Variants in ZNF135 observed in about 807,000 individuals in gnomAD.
ZNF135 encodes zinc finger protein 135 (clone pHZ-17).
In ZNF135, 11 loss-of-function variants were observed where a neutral mutation model predicts 12.3. The ratio of observed to expected loss-of-function variants is 0.89; its 90% CI spans 0.56 to 1.48. ZNF135 has a LOEUF of 1.48. Ranked by LOEUF, ZNF135 falls within the 40% of genes most tolerant of loss-of-function variation. The probability of loss-of-function intolerance (pLI) is 0.00; values close to 1 mark genes in which losing one functional copy is unlikely to be tolerated. For missense variants in ZNF135, 722 were observed against 815.7 expected, an observed-to-expected ratio of 0.89 and a Z score of 1.40; for synonymous variants, 316 against 312.0, an observed-to-expected ratio of 1.01 and a Z score of -0.14.
Position 58,063,720 on chromosome 19 carries a change from A to T in ZNF135, c.256+179A>T. 7.2e-7 allele frequency: 1 copy of T among 1,389,134 alleles called. No individual in the cohort carries two copies. Among genetic ancestry groups the T allele is most frequent in the Non-Finnish European group, 9.4e-7 (1 of 1,069,308 alleles). 86.1% of individuals were successfully genotyped at this position (1,389,134 alleles called of 1,614,324 possible). ...CCACGTCCTCATCTCCACTGAATTT[A>T]TATTCTTGGTGAGGGAGTGGGGGAA... On this transcript the variant is annotated intron_variant, in intron 4 of 4. Transcript: ENST00000313434. This position sits in a 1 kb window ranked among gnomAD's most constrained non-coding sequence, Gnocchi z 4.4.
Position 58,068,450 on chromosome 19 carries a change from C to G in ZNF135, c.1966C>G (p.His656Asp). Reference sequence around the variant, plus strand: ...CTCCCTTACCAAGCACCAGAGAACTCACACTGGATAAACCCACTCCACATG... The same window carrying G: ...CTCCCTTACCAAGCACCAGAGAACTGACACTGGATAAACCCACTCCACATG... Reference protein sequence around the residue: ...SSSLTKHQRTHTG With the variant: ...SSSLTKHQRTDTG Residue 656 changes from histidine (H) to aspartate (D), a missense_variant, in exon 5 of 5, where the codon CAC (histidine) becomes GAC (aspartate). Physicochemically the swap from His to Asp is moderately conservative, Grantham distance 81. Transcript: ENST00000313434. 6.2e-7 allele frequency: 1 copy of G among 1,613,808 alleles called. No individual in the cohort carries two copies. Among genetic ancestry groups the G allele is most frequent in the Non-Finnish European group, 8.5e-7 (1 of 1,179,836 alleles).
At chr19:58,061,022 A>G (rs376563246) in intron 2 of ZNF135, among the ~76,000 whole-genome samples, 13 of 151,708 alleles carry the variant, frequency 8.6e-5, no homozygotes, top group Admixed American at 2.6e-4. Flanking sequence ...CAGCTACTCG[A>G]GAGGCTGAGG....
rs2123460499 is a variant in ZNF135 at position 58,059,358 on chromosome 19, G to GCCGGA, written c.-35+52_-35+53insACCGG. The GCCGGA allele has an allele frequency of 8.7e-7, 1 of 1,154,862 alleles. No homozygotes were observed. The highest frequency in any genetic ancestry group is 1.7e-5 in the South Asian group (1 of 58,786). The allele number at this position is 1,154,862 out of a possible 1,614,324, so 71.5% of individuals were successfully genotyped here. Reference sequence around the variant, plus strand: ...GGGAGGGGAGGCCAGGCCGGGCCGGGCCGGGCCGGGTGCGGGGGGTCCGGG... The same window carrying GCCGGA: ...GGGAGGGGAGGCCAGGCCGGGCCGGGCCGGACCGGGCCGGGTGCGGGGGGTCCGGG... On this transcript the variant is annotated intron_variant, in intron 1 of 4. Transcript: ENST00000313434. This position sits in a 1 kb window ranked among gnomAD's most constrained non-coding sequence, Gnocchi z 6.5.
intron 3 of ZNF135, 68 bp downstream of exon 3, chr19:58,061,774 ATATT>A: frequency 6.5e-7 from 1 of 1,535,610 alleles, no homozygotes; most frequent in South Asian, 1.3e-5. Flanking sequence ...ACCAGGTTAA[ATATT>A]TATAGGACTG....
At position 58,068,853 on chromosome 19, in the gene ZNF135, A is replaced by C; in HGVS notation, c.*392A>C. On this transcript the variant is annotated 3_prime_UTR_variant, in exon 5 of 5. Transcript: ENST00000313434. The stretch of plus-strand genomic sequence containing the variant: ...TTCAAATTGGTGAGAAACCCAACAA[A>C]TGCCTTTCATATATACGAGAACCAA... 1 of 182,750 alleles carries C rather than the reference A, an allele frequency of 5.5e-6. No homozygotes were observed. Among genetic ancestry groups the C allele is most frequent in the Admixed American group, 5.3e-5 (1 of 18,902 alleles). 11.3% of individuals were successfully genotyped at this position (182,750 alleles called of 1,614,324 possible).
At position 58,061,659 on chromosome 19, in the gene ZNF135, T is replaced by G. The variant is rs1251043791; in HGVS notation, c.113T>G (p.Leu38Arg). The stretch of plus-strand genomic sequence containing the variant: ...CAGCTGAAGCCTGCCCAGAGGACCC[T>G]GTACCGTGATGTAATGCTGGACACC... ...WGQLKPAQRT[L>R]YRDVMLDTFR... The change falls in exon 3 of 5, where the codon CTG becomes CGG. Residue 38 changes from leucine (L) to arginine (R), a missense_variant. Transcript: ENST00000313434. The G allele has an allele frequency of 1.2e-6, 2 of 1,613,416 alleles. No homozygotes were observed. Among genetic ancestry groups the G allele is most frequent in the African/African-American group, 2.7e-5 (2 of 74,888 alleles).
At position 58,060,554 on chromosome 19, in the gene ZNF135, C is replaced by A. The variant is rs1328539074; in HGVS notation, c.33+519C>A. 6.6e-6 allele frequency among the ~76,000 whole-genome samples: 1 copy of A among 152,214 alleles called. No homozygotes were observed. Among genetic ancestry groups the A allele is most frequent in the African/African-American group, 2.4e-5 (1 of 41,440 alleles). On this transcript the variant is annotated intron_variant, in intron 2 of 4. Transcript: ENST00000313434. The surrounding 1 kb of genome is among the most constrained non-coding windows in gnomAD (Gnocchi z 4.9). ...TGCTCTGCGCTCCAAGATGGCGCAT[C>A]GAGTGCCGCTTCCTCAGACGTCATG...
At chr19:58,064,990 G>T (rs11673436) in intron 4 of ZNF135, among the ~76,000 whole-genome samples, 57,594 of 152,066 alleles carry the variant, frequency 0.38, 11,050 homozygotes, top group Admixed American at 0.44. Context: ...ACAGATTTTC[G>T]ATTGTACTGG....
Position 58,060,109 on chromosome 19 carries a change from C to G in ZNF135, c.33+74C>G. 1 of 1,604,662 alleles carries G rather than the reference C, an allele frequency of 6.2e-7. No individual in the cohort carries two copies. ...TCCTCGCGCGCGGCCTTCTCACGCCCGGCCTCCTCTTTGCACCCCGTCCCT... is the reference window on the plus strand; with the variant it reads ...TCCTCGCGCGCGGCCTTCTCACGCCGGGCCTCCTCTTTGCACCCCGTCCCT... On this transcript the variant is annotated intron_variant, in intron 2 of 4. Transcript: ENST00000313434. This position sits in a 1 kb window ranked among gnomAD's most constrained non-coding sequence, Gnocchi z 4.9.
At chr19:58,064,012 T>C (rs775089496) in intron 4 of ZNF135, among the ~76,000 whole-genome samples, 3 of 152,190 alleles carry the variant, frequency 2.0e-5, no homozygotes, top group Non-Finnish European at 4.4e-5. Context: ...TCAGCTTTTG[T>C]GTAGGAAAAC....
In ZNF135 at chr19:58,060,198, CGGCCTCTACTCGCACAACT is replaced by C. The variant is rs1222722361; in HGVS notation, c.33+177_33+195del. 640 of 1,487,528 alleles carry C rather than the reference CGGCCTCTACTCGCACAACT, an allele frequency of 4.3e-4. No homozygotes were observed. Among genetic ancestry groups the C allele is most frequent in the Admixed American group, 5.8e-4 (28 of 48,180 alleles). The allele number at this position is 1,487,528 out of a possible 1,614,324, so 92.1% of individuals were successfully genotyped here. On this transcript the variant is annotated intron_variant, in intron 2 of 4. Transcript: ENST00000313434. The surrounding 1 kb of genome is among the most constrained non-coding windows in gnomAD (Gnocchi z 4.9). Reference sequence around the variant, plus strand: ...TGCGTGCCCGGCCCCTACTCGTGCCCGGCCTCTACTCGCACAACTGGCCTCTACTCGCGCACCTGGCCTC... The same window carrying C: ...TGCGTGCCCGGCCCCTACTCGTGCCCGGCCTCTACTCGCGCACCTGGCCTC...
chr19:58,059,944 G>T lies in ZNF135; in HGVS notation c.-34-25G>T. 1.2e-6 allele frequency: 2 copies of T among 1,611,004 alleles called. No homozygotes were observed. Among genetic ancestry groups the T allele is most frequent in the Non-Finnish European group, 8.5e-7 (1 of 1,179,168 alleles). ...CTGAGCACCGCCTCTGCCTGCCCCAGCTGCTCACCTCCCCTTTCCCACAGA... is the reference window on the plus strand; with the variant it reads ...CTGAGCACCGCCTCTGCCTGCCCCATCTGCTCACCTCCCCTTTCCCACAGA... On this transcript the variant is annotated intron_variant, in intron 1 of 4. Coordinates refer to ENST00000313434, the MANE Select transcript of ZNF135 (RefSeq NM_001289401.2). The surrounding 1 kb of genome is among the most constrained non-coding windows in gnomAD (Gnocchi z 6.5).
At chr19:58,061,249 C>G (rs369889699) in intron 2 of ZNF135, among the ~76,000 whole-genome samples, 2 of 152,128 alleles carry the variant, frequency 1.3e-5, no homozygotes, top group Non-Finnish European at 2.9e-5. Context: ...TTCAAACTTA[C>G]GTGCTCAAGT....
In ZNF135 at chr19:58,067,010, C is replaced by T. The variant is rs557308498; in HGVS notation, c.526C>T (p.Pro176Ser). Residue 176 changes from proline (P) to serine (S), a missense_variant, in exon 5 of 5, where the codon CCA becomes TCA. Physicochemically the swap from Pro to Ser is moderately conservative, Grantham distance 74. Coordinates refer to ENST00000313434, the MANE Select transcript of ZNF135 (RefSeq NM_001289401.2). ...GENISLNPDL[P>S]HQPMTPERQS... ...AAACATAAGTCTGAACCCTGATCTC[C>T]CACATCAACCAATGACTCCTGAAAG... 9 of 1,614,156 alleles carry T rather than the reference C, an allele frequency of 5.6e-6. No individual in the cohort carries two copies. The highest frequency in any genetic ancestry group is 7.6e-6 in the Non-Finnish European group (9 of 1,180,028).
intron 3 of ZNF135, among the ~76,000 whole-genome samples, chr19:58,062,357 TTTA>T (rs2073995730): frequency 1.3e-5 from 1 of 79,534 alleles, no homozygotes; most frequent in Non-Finnish European, 2.8e-5. Flanking sequence ...TTGAACCTTA[TTTA>T]TTTATTTATT....
intron 4 of ZNF135, among the ~76,000 whole-genome samples, chr19:58,066,100 C>T (rs2074061324): frequency 6.6e-6 from 1 of 152,162 alleles, no homozygotes; most frequent in Non-Finnish European, 1.5e-5. Flanking sequence ...TCAAGGGGTT[C>T]CCAGTTAGTG....
At position 58,067,099 on chromosome 19, in the gene ZNF135, G is replaced by A. The variant is rs1259582986; in HGVS notation, c.615G>A (p.Gln205=). The A allele has an allele frequency of 1.9e-6, 3 of 1,614,220 alleles. No individual in the cohort carries two copies. Among genetic ancestry groups the A allele is most frequent in the Non-Finnish European group, 2.5e-6 (3 of 1,180,038 alleles). Residue 205 remains glutamine (Q), a synonymous_variant, in exon 5 of 5, where the codon CAG becomes CAA. Transcript: ENST00000313434. ...KREKPDLNVL[Q]KTCVKEKPYK... ...AGAAGCCAGACCTAAATGTTTTACA[G>A]AAAACCTGTGTAAAAGAGAAACCCT...
At position 58,067,177 on chromosome 19, in the gene ZNF135, A is replaced by C; in HGVS notation, c.693A>C (p.Glu231Asp). Residue 231 changes from glutamate (E) to aspartate (D), a missense_variant, in exon 5 of 5, where the codon GAA becomes GAC. Glu to Asp is a conservative substitution (Grantham distance 45). Coordinates refer to ENST00000313434, the MANE Select transcript of ZNF135 (RefSeq NM_001289401.2). Reference sequence around the variant, plus strand: ...TTAGTCACAGCTCAGCACTTATCGAACACCACCGGACGCACACAGGAGAGA... The same window carrying C: ...TTAGTCACAGCTCAGCACTTATCGACCACCACCGGACGCACACAGGAGAGA... ...KAFSHSSALI[E>D]HHRTHTGERP... 6.2e-7 allele frequency: 1 copy of C among 1,614,066 alleles called. No homozygotes were observed. Among genetic ancestry groups the C allele is most frequent in the Non-Finnish European group, 8.5e-7 (1 of 1,179,926 alleles).
At chr19:58,059,254 T>G (rs1287375352), upstream of ZNF135, 1 of 1,580,884 alleles carries the variant, frequency 6.3e-7, no homozygotes. The surrounding 1 kb of genome is among the most constrained non-coding windows in gnomAD (Gnocchi z 6.5). Context: ...GGAGTTAGGC[T>G]CGCGCCGGCG....
Sources: gnomAD v4.1 joint callset for allele counts (sites outside exome capture counted in the v4.1 genomes callset) on GRCh38, gnomAD v4.1.1 for gene constraint, Gnocchi (gnomAD v3.1) non-coding constraint, MANE v1.5 for transcripts, NCBI Gene and HGNC (gene_info 2026-07-23, HGNC 2026-07-21) for gene names.